The following CCAR2 variants were observed in gnomAD, a reference collection of about 807,000 sequenced individuals.
The protein encoded by CCAR2 is cell cycle and apoptosis regulator 2.
A neutral mutation model predicts 108.1 loss-of-function variants in CCAR2; 21 were observed. The ratio of observed to expected loss-of-function variants is 0.19; its 90% CI spans 0.14 to 0.28. The LOEUF (loss-of-function observed/expected upper bound fraction) is 0.28. Among genes scored for constraint, CCAR2 ranks in the 10% least tolerant of loss-of-function variants. The pLI is 1.00. For synonymous variants in CCAR2, 577 were observed against 472.8 expected, an observed-to-expected ratio of 1.22 and a Z score of -2.86; for missense variants, 1,126 against 1,177.0, an observed-to-expected ratio of 0.96 and a Z score of 0.63.
chr8:22,616,362 C>G (rs775064628), intron 14 of CCAR2, 114 bp downstream of exon 14: 182 of 972,068 alleles, frequency 1.9e-4, no homozygotes, highest in Non-Finnish European at 2.8e-4. Flanking sequence ...CACCCTTGCT[C>G]GGCATGGACT....
intron 7 of CCAR2, among the ~76,000 whole-genome samples, chr8:22,608,752 C>T (rs776301946): frequency 2.0e-5 from 3 of 152,194 alleles, no homozygotes; most frequent in Non-Finnish European, 2.9e-5. Context: ...AGTTAAGCTC[C>T]AGAATGATTT....
At chr8:22,611,086 C>T (rs1237033770) in intron 7 of CCAR2, among the ~76,000 whole-genome samples, 1 of 151,680 alleles carries the variant, frequency 6.6e-6, no homozygotes, top group African/African-American at 2.4e-5. Flanking sequence ...GTAGGCCAGG[C>T]GCGGTGGCTC....
In CCAR2 at chr8:22,615,700, C is replaced by G; in HGVS notation, c.1396C>G (p.Gln466Glu). 1 of 1,613,740 alleles carries G rather than the reference C, an allele frequency of 6.2e-7. No individual in the cohort carries two copies. The highest frequency in any genetic ancestry group is 8.5e-7 in the Non-Finnish European group (1 of 1,180,016). The change falls in exon 13 of 21, where the codon CAG becomes GAG. Residue 466 changes from glutamine (Q) to glutamate (E), a missense_variant. Around this residue, in one of 4 missense-constraint regions of CCAR2, gnomAD observed 1,013 missense variants for 993.9 expected, o/e 1.02. Transcript: ENST00000308511. Reference sequence around the variant, plus strand: ...GTCACAGGAAACGGAGCCTACTGAACAGGCACCTGATGCCTTGGAGCAAGC... The same window carrying G: ...GTCACAGGAAACGGAGCCTACTGAAGAGGCACCTGATGCCTTGGAGCAAGC... ...EAQGETEPTE[Q>E]APDALEQAAD...
chr8:22,621,149 C>T (rs557632496), downstream of CCAR2: 122 of 416,916 alleles, frequency 2.9e-4, no homozygotes, highest in African/African-American at 1.9e-3. Flanking sequence ...TTGCTCAGGC[C>T]GTGGGCCAGG....
Position 22,616,167 on chromosome 8 carries a change from A to C in CCAR2, c.1764A>C (p.Glu588Asp). 1 of 1,614,008 alleles carries C rather than the reference A, an allele frequency of 6.2e-7. No individual in the cohort carries two copies. Among genetic ancestry groups the C allele is most frequent in the Non-Finnish European group, 8.5e-7 (1 of 1,180,034 alleles). ...AAKEEATKEE[E>D]AIKEEVVKEP... Reference sequence around the variant, plus strand: ...AGGAAGAAGCCACCAAGGAGGAAGAAGCCATCAAAGAGGAGGTGGTCAAGG... The same window carrying C: ...AGGAAGAAGCCACCAAGGAGGAAGACGCCATCAAAGAGGAGGTGGTCAAGG... The change falls in exon 14 of 21, where the codon GAA (glutamate) becomes GAC (aspartate). Residue 588 changes from glutamate (E) to aspartate (D), a missense_variant. Around this residue, in one of 4 missense-constraint regions of CCAR2, gnomAD observed 1,013 missense variants for 993.9 expected, o/e 1.02. Coordinates refer to ENST00000308511, the MANE Select transcript of CCAR2 (RefSeq NM_001393997.1).
rs1801108798 is a variant in CCAR2 at position 22,607,164 on chromosome 8, G to A, written c.358-32G>A. ...AGGTAGTGAGTGCCTCAACCATGGG[G>A]TCCCCTGAATTTCCTGGCTCCTGTT... On this transcript the variant is annotated intron_variant, in intron 5 of 20. Coordinates refer to ENST00000308511, the MANE Select transcript of CCAR2 (RefSeq NM_001393997.1). The A allele has an allele frequency of 1.9e-6, 3 of 1,612,484 alleles. No homozygotes were observed. The East Asian group carries it at 6.7e-5, about 36-fold the overall frequency.
intron 16 of CCAR2, among the ~76,000 whole-genome samples, 174 bp downstream of exon 16, chr8:22,617,952 T>C (rs1801591799): frequency 6.6e-6 from 1 of 152,182 alleles, no homozygotes. Context: ...GGAGAACATT[T>C]CAGTGTCTGT....
chr8:22,611,317 C>T (rs1451231550), intron 7 of CCAR2, among the ~76,000 whole-genome samples: 5 of 148,718 alleles, frequency 3.4e-5, no homozygotes, highest in African/African-American at 1.0e-4. Flanking sequence ...GCTGAGATCA[C>T]GCCACTGCAT....
At position 22,615,909 on chromosome 8, in the gene CCAR2, T is replaced by TGAGGCAGGTGTCAA. The variant is rs772034369; in HGVS notation, c.1608+1_1608+14dup. 6.2e-7 allele frequency: 1 copy of TGAGGCAGGTGTCAA among 1,614,058 alleles called. No homozygotes were observed. The highest frequency in any genetic ancestry group is 8.5e-7 in the Non-Finnish European group (1 of 1,180,022). ...GGAGGCCAAAGGAAAGGATCTCTTT[T>TGAGGCAGGTGTCAA]GAGGCAGGTGTCAAGAGTCTTGGGG... On this transcript the variant is annotated frameshift_variant, in exon 13 of 21. Transcript: ENST00000308511. LOFTEE classifies it high-confidence loss of function.
rs1277259400 is a variant in CCAR2 at position 22,619,863 on chromosome 8, G to A, written c.*181G>A. 6.5e-6 allele frequency: 4 copies of A among 616,258 alleles called. No homozygotes were observed. In the East Asian group the frequency reaches 1.1e-4, roughly 17 times the overall value. 38.2% of individuals were successfully genotyped at this position (616,258 alleles called of 1,614,324 possible). ...GGCTGGGGGCTGTGCTATGTGGGAT[G>A]GATGTGTGAGGAACCCCGGTTCCAC... On this transcript the variant is annotated 3_prime_UTR_variant, in exon 21 of 21. Transcript: ENST00000308511.
At chr8:22,619,548 G>C (rs1801672909) in intron 20 of CCAR2, 90 bp from the exon 21 acceptor site, 9 of 1,470,154 alleles carry the variant, frequency 6.1e-6, no homozygotes, top group Non-Finnish European at 8.4e-6. Context: ...GCGTGCAGTG[G>C]GAGCTTCCCA....
chr8:22,615,939 T>C, intron 13 of CCAR2, 27 bp downstream of exon 13: 2 of 1,613,322 alleles, frequency 1.2e-6, no homozygotes, highest in South Asian at 1.1e-5. Flanking sequence ...TTGGGGAGGC[T>C]GTGGGCTGGG....
Position 22,615,782 on chromosome 8 carries a change from C to T in CCAR2, c.1478C>T (p.Thr493Met), listed in dbSNP as rs377024071. The T allele has an allele frequency of 2.1e-5, 34 of 1,613,834 alleles. No homozygotes were observed. The highest frequency in any genetic ancestry group is 2.7e-5 in the African/African-American group (2 of 74,900). Residue 493 changes from threonine (T) to methionine (M), a missense_variant, in exon 13 of 21, where the codon ACG becomes ATG. By Grantham distance (81) the Thr-to-Met change is moderately conservative. Coordinates refer to ENST00000308511, the MANE Select transcript of CCAR2 (RefSeq NM_001393997.1). ...ETPEATTQQE[T>M]DTDLPEAPPP... ...CCAGAGGCCACCACACAGCAGGAAA[C>T]GGACACTGATCTCCCAGAGGCCCCT...
intron 6 of CCAR2, 56 bp from the exon 7 acceptor site, chr8:22,607,913 A>C: frequency 5.0e-6 from 7 of 1,410,416 alleles, no homozygotes; most frequent in East Asian, 4.6e-5. Context: ...GGTGTGAGCT[A>C]TTGCACCCGG....
chr8:22,621,108 A>G (rs1801784775), downstream of CCAR2: 2 of 310,646 alleles, frequency 6.4e-6, no homozygotes, highest in East Asian at 6.8e-5. Flanking sequence ...AACTTAGCCA[A>G]CGAAGCCCAT....
chr8:22,619,671 C>CCTAGCAA lies in CCAR2; in HGVS notation c.2764_2770dup (p.Ter924=). 1 of 1,574,736 alleles carries CCTAGCAA rather than the reference C, an allele frequency of 6.4e-7. No homozygotes were observed. Among genetic ancestry groups the CCTAGCAA allele is most frequent in the Non-Finnish European group, 8.6e-7 (1 of 1,159,674 alleles). ...CTGGGTGGAGAAGGAGGAGCCGGCA[C>CCTAGCAA]CTAGCAACTGACGGCCTCGCACGGA... On this transcript the variant is annotated frameshift_variant, in exon 21 of 21. Transcript: ENST00000308511. LOFTEE classifies it high-confidence loss of function.
intron 7 of CCAR2, 72 bp downstream of exon 7, chr8:22,608,137 T>C: frequency 7.7e-7 from 1 of 1,293,804 alleles, no homozygotes; most frequent in East Asian, 2.3e-5. Context: ...TATTATTTTT[T>C]TGTGTTGGCC....
intron 8 of CCAR2, among the ~76,000 whole-genome samples, chr8:22,613,355 C>CTTTTTTT (rs5890057): frequency 1.6e-5 from 2 of 125,842 alleles, no homozygotes; most frequent in Non-Finnish European, 3.4e-5. Flanking sequence ...AGATCTAGTT[C>CTTTTTTT]TTTTTTTTTT....
chr8:22,607,941 T>G, intron 6 of CCAR2, 28 bp from the exon 7 acceptor site: 32 of 1,606,850 alleles, frequency 2.0e-5, no homozygotes, highest in Non-Finnish European at 2.6e-5. Context: ...TTAGGGTTTT[T>G]GAGTCACCAG....
Sources: allele counts gnomAD v4.1 joint callset (sites outside exome capture counted in the v4.1 genomes callset), GRCh38; gene constraint gnomAD v4.1.1; regional missense constraint gnomAD v4.1.1; transcripts MANE v1.5; gene names NCBI Gene and HGNC (gene_info 2026-07-23, HGNC 2026-07-21).